SLC25A38: variants seen among roughly 807,000 people sequenced by gnomAD.
SLC25A38 encodes mitochondrial glycine transporter.
Under a neutral mutation model 33.4 loss-of-function variants are expected in SLC25A38, and 27 were observed. The observed-to-expected ratio is 0.81, with a 90% CI of 0.60 to 1.11. SLC25A38 has a LOEUF of 1.11. SLC25A38 is among the 50% of genes most tolerant of loss of function. The probability of loss-of-function intolerance (pLI) is 0.00; values close to 1 mark genes in which losing one functional copy is unlikely to be tolerated. For synonymous variants in SLC25A38, 123 were observed against 145.9 expected (o/e 0.84, Z 1.13); for missense variants, 344 against 388.8 (o/e 0.88, Z 0.97).
chr3:39,385,809 C>G (rs918243280), intron 1 of SLC25A38, among the ~76,000 whole-genome samples: 11 of 152,190 alleles, frequency 7.2e-5, no homozygotes, highest in Non-Finnish European at 1.6e-4. Flanking sequence ...ACAGGTGTTG[C>G]TGTAGAAGCC....
At chr3:39,390,726 G>C (rs998723023) in intron 3 of SLC25A38, among the ~76,000 whole-genome samples, 15 of 152,194 alleles carry the variant, frequency 9.9e-5, no homozygotes, top group African/African-American at 3.1e-4. Context: ...GTGCAGCATA[G>C]TCTCTACAGC....
chr3:39,385,358 G>A (rs1322550211), intron 1 of SLC25A38, among the ~76,000 whole-genome samples: 1 of 152,142 alleles, frequency 6.6e-6, no homozygotes, highest in Non-Finnish European at 1.5e-5. Context: ...TAATCACTGT[G>A]CTGTGAAATA....
intron 1 of SLC25A38, chr3:39,384,808 T>C (rs1260682147): frequency 6.9e-5 from 27 of 393,908 alleles, no homozygotes; most frequent in South Asian, 2.6e-4. Context: ...TTTTTCTTTT[T>C]TTTTTTTTTT....
intron 1 of SLC25A38, among the ~76,000 whole-genome samples, chr3:39,386,713 T>C (rs529018333): frequency 1.3e-5 from 2 of 152,004 alleles, no homozygotes; most frequent in African/African-American, 4.8e-5. Flanking sequence ...CTGGAATGGA[T>C]TGGTGGATTT....
chr3:39,384,947 G>A (rs1284089697), intron 1 of SLC25A38, among the ~76,000 whole-genome samples: 2 of 151,796 alleles, frequency 1.3e-5, no homozygotes, highest in Non-Finnish European at 1.5e-5. Context: ...GATTACAGGC[G>A]TGCGCCACCA....
At chr3:39,387,316 G>A (rs1428018595) in intron 1 of SLC25A38, among the ~76,000 whole-genome samples, 4 of 152,146 alleles carry the variant, frequency 2.6e-5, no homozygotes, top group African/African-American at 9.7e-5. Flanking sequence ...GATGCTATGA[G>A]ATTTTGAGGT....
intron 3 of SLC25A38, 124 bp from the exon 4 acceptor site, chr3:39,391,317 C>T: frequency 7.5e-7 from 1 of 1,336,330 alleles, no homozygotes; most frequent in Non-Finnish European, 1.1e-6. Flanking sequence ...ATTGGTGTTC[C>T]TTCCACACCT....
intron 6 of SLC25A38, among the ~76,000 whole-genome samples, chr3:39,395,110 T>C (rs2041812762): frequency 6.6e-6 from 1 of 152,240 alleles, no homozygotes; most frequent in Admixed American, 6.5e-5. Flanking sequence ...TGATAGCTGA[T>C]GAGCTAAAGA....
chr3:39,393,165 A>G (rs1301361545), intron 5 of SLC25A38, among the ~76,000 whole-genome samples: 1 of 152,154 alleles, frequency 6.6e-6, no homozygotes, highest in Non-Finnish European at 1.5e-5. Context: ...ACATGCCTGT[A>G]ATCCCAGCTG....
chr3:39,395,828 A>G (rs1242507140), intron 6 of SLC25A38, among the ~76,000 whole-genome samples: 1 of 152,062 alleles, frequency 6.6e-6, no homozygotes, highest in Non-Finnish European at 1.5e-5. Context: ...CTGCACAAGT[A>G]CACAGCAACC....
At chr3:39,394,100 T>G (rs2041804090) in intron 5 of SLC25A38, among the ~76,000 whole-genome samples, 1 of 152,252 alleles carries the variant, frequency 6.6e-6, no homozygotes, top group Non-Finnish European at 1.5e-5. Flanking sequence ...TTGTAATGTC[T>G]AAGTATCTTT....
At chr3:39,391,213 TC>T (rs1388373507) in intron 3 of SLC25A38, among the ~76,000 whole-genome samples, 1 of 152,178 alleles carries the variant, frequency 6.6e-6, no homozygotes, top group Non-Finnish European at 1.5e-5. Flanking sequence ...TTCCCAGAGT[TC>T]CCCAGTGGGA....
chr3:39,393,561 G>A (rs2016412), intron 5 of SLC25A38, among the ~76,000 whole-genome samples: 6,335 of 152,088 alleles, frequency 0.042, 200 homozygotes, highest in East Asian at 0.14. Flanking sequence ...GTGCAGCAAC[G>A]TGATCTTGGT....
rs1158373914 is a variant in SLC25A38 at position 39,391,591 on chromosome 3, C to G, written c.427C>G (p.Pro143Ala). ...CTCTGTTGCAGGGGTCTGTATGTCACCTATCACTGTAATCAAGACGCGCTA... is the reference window on the plus strand; with the variant it reads ...CTCTGTTGCAGGGGTCTGTATGTCAGCTATCACTGTAATCAAGACGCGCTA... The part of the protein sequence containing the change: ...SRSVAGVCMS[P>A]ITVIKTRYES... The change falls in exon 4 of 7, where the codon CCT becomes GCT. Residue 143 changes from proline to alanine, a missense_variant. Pro to Ala is a conservative substitution (Grantham distance 27, BLOSUM62 -1). Coordinates refer to ENST00000650617, the MANE Select transcript of SLC25A38 (RefSeq NM_017875.4). 2 of 1,614,200 alleles carry G rather than the reference C, an allele frequency of 1.2e-6. No individual in the cohort carries two copies. Among genetic ancestry groups the G allele is most frequent in the Non-Finnish European group, 1.7e-6 (2 of 1,180,036 alleles).
intron 6 of SLC25A38, 64 bp from the exon 7 acceptor site, chr3:39,396,334 C>T (rs2041830466): frequency 6.2e-7 from 1 of 1,612,214 alleles, no homozygotes; most frequent in South Asian, 1.1e-5. Flanking sequence ...ACTGTGGTAC[C>T]AAGTGGATAA....
intron 1 of SLC25A38, among the ~76,000 whole-genome samples, chr3:39,386,233 C>T (rs935961019): frequency 1.3e-5 from 2 of 152,008 alleles, no homozygotes; most frequent in African/African-American, 4.8e-5. Context: ...AAAACATTAT[C>T]TTTCATTGAA....
In SLC25A38 at chr3:39,383,640, T is replaced by TAA; in HGVS notation, c.-84_-83insAA. 1 of 1,520,344 alleles carries TAA rather than the reference T, an allele frequency of 6.6e-7. No individual in the cohort carries two copies. Among genetic ancestry groups the TAA allele is most frequent in the Non-Finnish European group, 9.1e-7 (1 of 1,098,212 alleles). 94.2% of individuals were successfully genotyped at this position (1,520,344 alleles called of 1,614,324 possible). On this transcript the variant is annotated 5_prime_UTR_variant, in exon 1 of 7. Coordinates refer to ENST00000650617, the MANE Select transcript of SLC25A38 (RefSeq NM_017875.4). ...GCGTCGCCTGGCTAGCGCCACCCCC[T>TAA]AGCCTTCTTCAAGGCCTCCAGGGCT...
rs1166925844 is a variant in SLC25A38 at position 39,389,982 on chromosome 3, C to A, written c.191+366C>A. Among the ~76,000 whole-genome samples, 1 of 152,010 alleles carries A rather than the reference C, an allele frequency of 6.6e-6. No individual in the cohort carries two copies. Among genetic ancestry groups the A allele is most frequent in the African/African-American group, 2.4e-5 (1 of 41,346 alleles). On this transcript the variant is annotated intron_variant, in intron 2 of 6. Coordinates refer to ENST00000650617, the MANE Select transcript of SLC25A38 (RefSeq NM_017875.4). The surrounding 1 kb of genome is among the most constrained non-coding windows in gnomAD (Gnocchi z 4.5). ...TTGAGGCAGATGCTCGCTCTGTTGC[C>A]CAGATTGGAGTGCAGAGGTGCGATC...
chr3:39,385,028 C>T (rs547865006), intron 1 of SLC25A38, among the ~76,000 whole-genome samples: 1 of 152,188 alleles, frequency 6.6e-6, no homozygotes, highest in Non-Finnish European at 1.5e-5. Context: ...TCTTGAACTC[C>T]TGACCTCAAG....
Sources: gnomAD v4.1 joint callset for allele counts (sites outside exome capture counted in the v4.1 genomes callset) on GRCh38, gnomAD v4.1.1 for gene constraint, Gnocchi (gnomAD v3.1) non-coding constraint, MANE v1.5 for transcripts, NCBI Gene and HGNC (gene_info 2026-07-23, HGNC 2026-07-21) for gene names.